The following MBTPS1 variants were observed in gnomAD, a reference collection of about 807,000 sequenced individuals.
MBTPS1 encodes membrane bound transcription factor peptidase, site 1.
MBTPS1 carries 94 observed loss-of-function variants against 127.8 expected under a neutral mutation model. That is an observed-to-expected ratio of 0.74 (90% CI 0.62 to 0.87). The LOEUF (loss-of-function observed/expected upper bound fraction) is 0.87. MBTPS1 is among the 40% of genes least tolerant of loss of function. The pLI is 0.00. For synonymous variants in MBTPS1, 632 were observed against 509.4 expected, an observed-to-expected ratio of 1.24 and a Z score of -3.24; for missense variants, 1,636 against 1,353.2, an observed-to-expected ratio of 1.21 and a Z score of -3.28.
intron 14 of MBTPS1, among the ~76,000 whole-genome samples, chr16:84,068,780 G>A (rs559133411): frequency 6.6e-6 from 1 of 152,366 alleles, no homozygotes; most frequent in African/African-American, 2.4e-5. Flanking sequence ...GCAACCATCT[G>A]TGTCTGACAG....
At chr16:84,103,096 G>A (rs973537757) in intron 1 of MBTPS1, among the ~76,000 whole-genome samples, 1 of 152,080 alleles carries the variant, frequency 6.6e-6, no homozygotes, top group African/African-American at 2.4e-5. Context: ...TCTTCACAAT[G>A]AAAACAGAGC....
chr16:84,090,704 G>A lies in MBTPS1; in HGVS notation c.1031+171C>T, dbSNP rs796085405. Among the ~76,000 whole-genome samples, 21 of 152,226 alleles carry A rather than the reference G, an allele frequency of 1.4e-4. 1 individual carries two copies. The highest frequency in any genetic ancestry group is 4.8e-4 in the African/African-American group (20 of 41,532). ...CTGCTGAGGTGAGTGGTGAGTACCT[G>A]GGTGTTCATCTACATCCTATAGTAT... On this transcript the variant is annotated intron_variant, in intron 8 of 22. Transcript: ENST00000343411.
intron 12 of MBTPS1, among the ~76,000 whole-genome samples, chr16:84,071,336 G>A (rs982880765): frequency 5.3e-5 from 8 of 152,212 alleles, no homozygotes; most frequent in African/African-American, 1.4e-4. Context: ...TGGAAGAGAC[G>A]TCAATGAGAG....
intron 17 of MBTPS1, 129 bp downstream of exon 17, chr16:84,066,360 G>A (rs2085682873): frequency 2.1e-6 from 2 of 933,594 alleles, no homozygotes; most frequent in Non-Finnish European, 3.1e-6. Flanking sequence ...GAAAATACTG[G>A]TGAGTTCTTT....
At chr16:84,065,595 TAA>T (rs2151144423) in intron 18 of MBTPS1, 93 bp downstream of exon 18, 4 of 834,454 alleles carry the variant, frequency 4.8e-6, no homozygotes, top group Middle Eastern at 4.4e-4. Flanking sequence ...AAGCTTTTAT[TAA>T]AAAAGAGACA....
chr16:84,107,358 T>G (rs1307216808), intron 1 of MBTPS1, among the ~76,000 whole-genome samples: 1 of 152,106 alleles, frequency 6.6e-6, no homozygotes, highest in African/African-American at 2.4e-5. Flanking sequence ...GGAAGGTGCC[T>G]TCAAGTGTAA....
chr16:84,081,570 C>G (rs2151156284), intron 11 of MBTPS1, 177 bp downstream of exon 11: 2 of 413,936 alleles, frequency 4.8e-6, no homozygotes, highest in East Asian at 7.0e-5. Flanking sequence ...GCGAAAGCAG[C>G]TACCAGTTCT....
At chr16:84,100,597 A>C (rs940278974) in intron 2 of MBTPS1, among the ~76,000 whole-genome samples, 1 of 151,954 alleles carries the variant, frequency 6.6e-6, no homozygotes, top group Non-Finnish European at 1.5e-5. Flanking sequence ...GCACGGTGGC[A>C]GGTGCCTGTA....
chr16:84,080,367 G>A (rs570311778), intron 11 of MBTPS1, among the ~76,000 whole-genome samples: 95 of 152,352 alleles, frequency 6.2e-4, no homozygotes, highest in African/African-American at 2.2e-3. Context: ...ATCAAGGCAT[G>A]CTAACATGAG....
chr16:84,096,247 A>G (rs1452597195), intron 3 of MBTPS1, among the ~76,000 whole-genome samples: 1 of 152,232 alleles, frequency 6.6e-6, no homozygotes, highest in Non-Finnish European at 1.5e-5. Flanking sequence ...GGCAAAAGCC[A>G]TCAAATATCA....
Position 84,066,523 on chromosome 16 carries a change from C to G in MBTPS1, c.2319G>C (p.Leu773=), listed in dbSNP as rs1212316920. The G allele has an allele frequency of 2.5e-6, 4 of 1,614,044 alleles. No individual in the cohort carries two copies. The highest frequency in any genetic ancestry group is 3.3e-5 in the Admixed American group (2 of 60,010). Reference sequence around the variant, plus strand: ...TGGCCAGGGTGAACTCCCCTTCATACAGGCCATCGCTGAACCCCATGTTCC... The same window carrying G: ...TGGCCAGGGTGAACTCCCCTTCATAGAGGCCATCGCTGAACCCCATGTTCC... ...SVWNMGFSDG[L]YEGEFTLANH... is the part of the protein sequence containing the mutation. The change falls in exon 17 of 23, where the codon CTG becomes CTC. Residue 773 remains leucine, a synonymous_variant. Coordinates refer to ENST00000343411, the MANE Select transcript of MBTPS1 (RefSeq NM_003791.4).
In MBTPS1 at chr16:84,067,658, C is replaced by T; in HGVS notation, c.2228+9G>A. The T allele has an allele frequency of 6.2e-7, 1 of 1,605,174 alleles. No individual in the cohort carries two copies. ...GTCTTATCCAAATACCAATGCGTAT[C>T]AACAGTACCTTGTGTTTTCATCATA... On this transcript the variant is annotated intron_variant, in intron 16 of 22. Transcript: ENST00000343411.
At chr16:84,079,014 G>T (rs1057058324) in intron 11 of MBTPS1, among the ~76,000 whole-genome samples, 1 of 152,338 alleles carries the variant, frequency 6.6e-6, no homozygotes, top group Middle Eastern at 3.4e-3. Flanking sequence ...GGAGGGACTG[G>T]GTCCTGGGGG....
intron 1 of MBTPS1, among the ~76,000 whole-genome samples, chr16:84,114,569 G>A (rs1023453794): frequency 3.3e-5 from 5 of 151,708 alleles, no homozygotes; most frequent in Admixed American, 2.0e-4. Context: ...GGTAGCTCAC[G>A]CCTGTAATCC....
At chr16:84,114,904 T>C (rs1179417782) in intron 1 of MBTPS1, among the ~76,000 whole-genome samples, 2 of 151,956 alleles carry the variant, frequency 1.3e-5, no homozygotes, top group East Asian at 3.9e-4. Context: ...ACAGTTCACC[T>C]TAGCCTTCAG....
chr16:84,115,407 A>G (rs1300729701), intron 1 of MBTPS1, among the ~76,000 whole-genome samples: 1 of 152,208 alleles, frequency 6.6e-6, no homozygotes, highest in Non-Finnish European at 1.5e-5. Flanking sequence ...GTCAGGTCCC[A>G]GCTCCCATTC....
chr16:84,083,300 C>A (rs1391098442), intron 10 of MBTPS1, among the ~76,000 whole-genome samples: 1 of 152,184 alleles, frequency 6.6e-6, no homozygotes, highest in Non-Finnish European at 1.5e-5. Context: ...TGATATAACA[C>A]TGGAGAGAGG....
In MBTPS1 at chr16:84,094,960, A is replaced by G. The variant is rs141023236; in HGVS notation, c.625+642T>C. 3.2e-3 allele frequency among the ~76,000 whole-genome samples: 495 copies of G among 152,350 alleles called. 3 individuals carry two copies. Among genetic ancestry groups the G allele is most frequent in the Non-Finnish European group, 5.9e-3 (403 of 68,024 alleles). On this transcript the variant is annotated intron_variant, in intron 4 of 22. Transcript: ENST00000343411. The stretch of plus-strand genomic sequence containing the variant: ...CTGGGAGCAGGTGAAACTGGCTTAC[A>G]TTTAGAAGTCAAGGTAAAAATCTTC...
chr16:84,058,638 A>T (rs1219725485), intron 21 of MBTPS1, among the ~76,000 whole-genome samples: 1 of 152,112 alleles, frequency 6.6e-6, no homozygotes, highest in Non-Finnish European at 1.5e-5. Context: ...CTGGAGAAAA[A>T]GGGGACCAGC....
Sources: allele counts gnomAD v4.1 joint callset (sites outside exome capture counted in the v4.1 genomes callset), GRCh38; gene constraint gnomAD v4.1.1; transcripts MANE v1.5; gene names NCBI Gene and HGNC (gene_info 2026-07-23, HGNC 2026-07-21).